Variants in ZRANB3 observed in about 807,000 individuals in gnomAD.
The protein encoded by ZRANB3 is zinc finger RANBP2-type containing 3, also known as DNA annealing helicase and endonuclease ZRANB3.
ZRANB3 carries 125 observed loss-of-function variants against 133.8 expected under a neutral mutation model. That is an observed-to-expected ratio of 0.93 (90% confidence interval 0.81 to 1.08). The LOEUF is 1.08. Ranked by LOEUF, ZRANB3 falls within the 50% of genes least tolerant of loss-of-function variation. The pLI is 0.00. For missense variants in ZRANB3, 1,229 were observed against 1,275.5 expected, an observed-to-expected ratio of 0.96 and a Z score of 0.56; for synonymous variants, 387 against 432.7, an observed-to-expected ratio of 0.89 and a Z score of 1.31.
At chr2:135,291,782 T>G (rs1041787568) in intron 8 of ZRANB3, among the ~76,000 whole-genome samples, 2 of 151,642 alleles carry the variant, frequency 1.3e-5, no homozygotes, top group Non-Finnish European at 2.9e-5. Context: ...TGTGTGATGT[T>G]CCCCTTCCTG....
chr2:135,524,987 T>C lies in ZRANB3; in HGVS notation c.-8+6140A>G, dbSNP rs148275404. ...TAATCTGGGGTGGGGAAAGCATTTCTAAGCATCACAAATAAATTAGAAGCT... is the reference window on the plus strand; with the variant it reads ...TAATCTGGGGTGGGGAAAGCATTTCCAAGCATCACAAATAAATTAGAAGCT... On this transcript the variant is annotated intron_variant, in intron 1 of 20. Transcript: ENST00000264159. 3.0e-3 allele frequency among the ~76,000 whole-genome samples: 453 copies of C among 152,194 alleles called. 3 individuals are homozygous for C. The highest frequency in any genetic ancestry group is 0.01 in the African/African-American group (422 of 41,560).
intron 9 of ZRANB3, among the ~76,000 whole-genome samples, chr2:135,273,019 T>TA (rs902567296): frequency 2.0e-5 from 3 of 151,210 alleles, no homozygotes; most frequent in Non-Finnish European, 4.4e-5. Flanking sequence ...CCATCTCTAC[T>TA]AAAAAAATAC....
At chr2:135,297,721 CTT>C (rs1225740018) in intron 8 of ZRANB3, among the ~76,000 whole-genome samples, 2 of 152,276 alleles carry the variant, frequency 1.3e-5, no homozygotes, top group Middle Eastern at 3.4e-3. Flanking sequence ...CCTAAAAATT[CTT>C]TTTTCTTTGT....
chr2:135,483,486 C>T lies in ZRANB3; in HGVS notation c.161+20843G>A, dbSNP rs533873719. ...ATATCCCCTTTATCATTTTTTATTGCGTCTATTTGATTCTTCTCTCTTTTT... is the reference window on the plus strand; with the variant it reads ...ATATCCCCTTTATCATTTTTTATTGTGTCTATTTGATTCTTCTCTCTTTTT... On this transcript the variant is annotated intron_variant, in intron 2 of 20. Transcript: ENST00000264159. Among the ~76,000 whole-genome samples, 66 of 151,932 alleles carry T rather than the reference C, an allele frequency of 4.3e-4. 1 individual carries two copies. The highest frequency in any genetic ancestry group is 1.7e-3 in the South Asian group (8 of 4,814).
At chr2:135,516,130 T>C (rs1693689671) in intron 1 of ZRANB3, among the ~76,000 whole-genome samples, 1 of 152,182 alleles carries the variant, frequency 6.6e-6, no homozygotes, top group Non-Finnish European at 1.5e-5. Flanking sequence ...GCTTTCCATT[T>C]GCTTGGTAAA....
chr2:135,461,187 T>C (rs1209906494), intron 2 of ZRANB3, among the ~76,000 whole-genome samples: 1 of 152,246 alleles, frequency 6.6e-6, no homozygotes, highest in Non-Finnish European at 1.5e-5. Flanking sequence ...AGCTCATGTA[T>C]ACATTATTCA....
chr2:135,497,822 G>A (rs1474654361), intron 2 of ZRANB3, among the ~76,000 whole-genome samples: 2 of 152,108 alleles, frequency 1.3e-5, no homozygotes, highest in South Asian at 2.1e-4. Context: ...GGAGGCCAAG[G>A]CGGACAGATC....
At chr2:135,314,214 A>C (rs955500772) in intron 7 of ZRANB3, among the ~76,000 whole-genome samples, 1 of 152,246 alleles carries the variant, frequency 6.6e-6, no homozygotes, top group African/African-American at 2.4e-5. Flanking sequence ...AAGAAACATA[A>C]GAAAGCAGAG....
intron 8 of ZRANB3, among the ~76,000 whole-genome samples, chr2:135,298,584 T>C (rs952691966): frequency 6.6e-6 from 1 of 152,174 alleles, no homozygotes; most frequent in Non-Finnish European, 1.5e-5. Flanking sequence ...GTGATTGTTA[T>C]TGCTCTTATG....
chr2:135,359,608 AAAAAGAAAAG>A (rs1218228379), intron 3 of ZRANB3, among the ~76,000 whole-genome samples: 4 of 151,784 alleles, frequency 2.6e-5, no homozygotes, highest in Non-Finnish European at 5.9e-5. Flanking sequence ...AAAGAAAAGA[AAAAAGAAAAG>A]AAAAGAAAAG....
At chr2:135,359,105 A>T (rs1226902839) in intron 3 of ZRANB3, among the ~76,000 whole-genome samples, 1 of 152,102 alleles carries the variant, frequency 6.6e-6, no homozygotes, top group Non-Finnish European at 1.5e-5. Context: ...CAGCCTCGAC[A>T]TCCAAATGAA....
intron 2 of ZRANB3, among the ~76,000 whole-genome samples, chr2:135,434,250 G>A (rs988002333): frequency 1.3e-5 from 2 of 152,204 alleles, no homozygotes; most frequent in African/African-American, 4.8e-5. Context: ...TACGTTAGAT[G>A]TCCCAAATAT....
intron 2 of ZRANB3, among the ~76,000 whole-genome samples, chr2:135,462,424 C>T (rs1254188313): frequency 6.6e-6 from 1 of 152,100 alleles, no homozygotes; most frequent in African/African-American, 2.4e-5. Context: ...TATTTAAAGC[C>T]GTGGCAAATG....
At position 135,213,453 on chromosome 2, in the gene ZRANB3, G is replaced by A. The variant is rs111363354; in HGVS notation, c.2495+4012C>T. Among the ~76,000 whole-genome samples, 453 of 152,158 alleles carry A rather than the reference G, an allele frequency of 3.0e-3. 3 individuals are homozygous for A. The highest frequency in any genetic ancestry group is 0.01 in the African/African-American group (422 of 41,530). On this transcript the variant is annotated intron_variant, in intron 17 of 20. Transcript: ENST00000264159. ...TTCCAAATTACTGAGACTTAACTTG[G>A]GTTCTGCAGCAAGAATCAGAATGCT...
rs564573857 is a variant in ZRANB3 at position 135,509,005 on chromosome 2, G to A, written c.-7-4509C>T. ...ACTAATTTACTTATAGCAAGGCGGG[G>A]GGAGCCTATCAAAATGAAACCAGGA... On this transcript the variant is annotated intron_variant, in intron 1 of 20. Coordinates refer to ENST00000264159, the MANE Select transcript of ZRANB3 (RefSeq NM_032143.4). 2.6e-5 allele frequency among the ~76,000 whole-genome samples: 4 copies of A among 151,840 alleles called. No individual in the cohort carries two copies. The South Asian group carries it at 8.3e-4, about 32-fold the overall frequency.
chr2:135,203,774 G>A (rs191550170), intron 19 of ZRANB3, among the ~76,000 whole-genome samples: 1 of 152,184 alleles, frequency 6.6e-6, no homozygotes, highest in East Asian at 1.9e-4. Flanking sequence ...AACTTTCCAA[G>A]TTATGTGAAC....
chr2:135,272,562 C>T (rs573262419), intron 9 of ZRANB3, among the ~76,000 whole-genome samples: 2 of 151,630 alleles, frequency 1.3e-5, no homozygotes, highest in Admixed American at 6.6e-5. Context: ...TATAGGCGCC[C>T]GCCACCACGC....
At chr2:135,482,484 T>C (rs1028558454) in intron 2 of ZRANB3, among the ~76,000 whole-genome samples, 1 of 150,288 alleles carries the variant, frequency 6.7e-6, no homozygotes, top group African/African-American at 2.5e-5. Context: ...GAGACTTTGC[T>C]GAAGTTGCTT....
chr2:135,342,152 G>A (rs1054732137), intron 6 of ZRANB3, among the ~76,000 whole-genome samples: 7 of 149,522 alleles, frequency 4.7e-5, no homozygotes, highest in South Asian at 4.2e-4. Flanking sequence ...TGTCTCCCCC[G>A]GACACCCAGC....
Sources: gnomAD v4.1 joint callset for allele counts (sites outside exome capture counted in the v4.1 genomes callset) on GRCh38, gnomAD v4.1.1 for gene constraint, MANE v1.5 for transcripts, NCBI Gene and HGNC (gene_info 2026-07-23, HGNC 2026-07-21) for gene names.